Variants in PCDHA4 observed in about 807,000 individuals in gnomAD.
The protein encoded by PCDHA4 is protocadherin alpha 4.
Under a neutral mutation model 61.4 loss-of-function variants are expected in PCDHA4, and 49 were observed. The ratio of observed to expected loss-of-function variants is 0.80; its 90% CI spans 0.63 to 1.01. The LOEUF (loss-of-function observed/expected upper bound fraction) is 1.01. Ranked by LOEUF, PCDHA4 falls within the 50% of genes least tolerant of loss-of-function variation. The pLI, the probability that PCDHA4 is intolerant of heterozygous loss-of-function variation, is 0.00. For missense variants in PCDHA4, 1,254 were observed against 1,235.8 expected, an observed-to-expected ratio of 1.01 and a Z score of -0.22; for synonymous variants, 590 against 550.3, an observed-to-expected ratio of 1.07 and a Z score of -1.01.
chr5:141,010,462 T>A lies in PCDHA4; in HGVS notation c.*525T>A. On this transcript the variant is annotated 3_prime_UTR_variant, in exon 4 of 4. Transcript: ENST00000530339. ...ACAAATAAACAGCGGAAGTTATCAGTATGGAGGGGAAGTGTAAACTTAAAG... is the reference window on the plus strand; with the variant it reads ...ACAAATAAACAGCGGAAGTTATCAGAATGGAGGGGAAGTGTAAACTTAAAG... The A allele has an allele frequency of 2.4e-6, 2 of 822,568 alleles. No individual in the cohort carries two copies. Among genetic ancestry groups the A allele is most frequent in the Non-Finnish European group, 3.6e-6 (2 of 552,664 alleles). The allele number at this position is 822,568 out of a possible 1,614,324, so 51.0% of individuals were successfully genotyped here.
chr5:140,808,970 C>A lies in PCDHA4; in HGVS notation c.1783C>A (p.Arg595Ser), dbSNP rs879959461. The A allele has an allele frequency of 5.6e-6, 9 of 1,613,572 alleles. No homozygotes were observed. The South Asian group carries it at 8.8e-5, about 16-fold the overall frequency. Residue 595 changes from arginine (R) to serine (S), a missense_variant, in exon 1 of 4, where the codon CGC becomes AGC. By Grantham distance (110) the Arg-to-Ser change is moderately radical. Transcript: ENST00000530339. ...VGVGHVVAKVRAVDADSGYNA... is the reference protein window; with the variant it reads ...VGVGHVVAKVSAVDADSGYNA... ...TGTGGGCCACGTGGTGGCAAAGGTG[C>A]GCGCGGTGGATGCTGACTCGGGCTA...
At chr5:140,901,906 G>T (rs1275600408) in intron 1 of PCDHA4, among the ~76,000 whole-genome samples, 1 of 151,902 alleles carries the variant, frequency 6.6e-6, no homozygotes, top group Non-Finnish European at 1.5e-5. Context: ...TCATTGTGGA[G>T]ATCTTTCACT....
chr5:140,969,201 G>A (rs2096306183), intron 1 of PCDHA4: 2 of 1,614,110 alleles, frequency 1.2e-6, no homozygotes, highest in Non-Finnish European at 1.7e-6. Context: ...TACAATACAG[G>A]GGCCCAGACA....
intron 1 of PCDHA4, chr5:140,836,321 C>A: frequency 1.9e-6 from 3 of 1,613,768 alleles, no homozygotes; most frequent in Non-Finnish European, 2.5e-6. Flanking sequence ...CGCGCCACCG[C>A]CTTCTGGTGC....
chr5:140,938,226 A>G lies in PCDHA4; in HGVS notation c.2386-40723A>G, dbSNP rs529190111. On this transcript the variant is annotated intron_variant, in intron 1 of 3. Transcript: ENST00000530339. ...CTCCCAAAGTGCTGGGATTACAGGC[A>G]TAGGCCACCATGCCTGGTCTTTTAA... Among the ~76,000 whole-genome samples the G allele has an allele frequency of 3.3e-5, 5 of 152,330 alleles. No individual in the cohort carries two copies. In the South Asian group the frequency reaches 1.0e-3, roughly 32 times the overall value.
chr5:140,978,057 T>C (rs527562348), intron 1 of PCDHA4, among the ~76,000 whole-genome samples: 1 of 152,304 alleles, frequency 6.6e-6, no homozygotes, highest in South Asian at 2.1e-4. Context: ...ACTGATGATG[T>C]CCCAGTGATT....
chr5:140,875,378 T>C (rs758524366), intron 1 of PCDHA4: 85 of 1,458,484 alleles, frequency 5.8e-5, no homozygotes, highest in Non-Finnish European at 7.4e-5. Context: ...TTACTAAATA[T>C]GTACTTACAG....
chr5:140,961,648 G>A (rs367674015), intron 1 of PCDHA4, among the ~76,000 whole-genome samples: 1 of 152,156 alleles, frequency 6.6e-6, no homozygotes, highest in African/African-American at 2.4e-5. Flanking sequence ...AGTCTATGTG[G>A]TTAGTTTGAA....
intron 1 of PCDHA4, chr5:140,852,356 C>A: frequency 4.8e-6 from 1 of 206,680 alleles, no homozygotes; most frequent in Non-Finnish European, 9.4e-6. Flanking sequence ...TGGCTCACTG[C>A]AACGTCTGCC....
In PCDHA4 at chr5:140,809,172, C is replaced by T; in HGVS notation, c.1985C>T (p.Thr662Met). The T allele has an allele frequency of 2.5e-6, 4 of 1,613,996 alleles. No individual in the cohort carries two copies. Among genetic ancestry groups the T allele is most frequent in the Non-Finnish European group, 3.4e-6 (4 of 1,179,938 alleles). ...KDHGEPALTA[T>M]ATVLVSLVES... is the part of the protein sequence containing the mutation. The stretch of plus-strand genomic sequence containing the variant: ...CACGGCGAGCCCGCGCTGACGGCCA[C>T]GGCCACTGTGCTGGTGTCACTTGTG... Residue 662 changes from threonine (T) to methionine (M), a missense_variant, in exon 1 of 4, where the codon ACG becomes ATG. Physicochemically the swap from Thr to Met is moderately conservative, Grantham distance 81. Coordinates refer to ENST00000530339, the MANE Select transcript of PCDHA4 (RefSeq NM_018907.4).
At chr5:140,950,872 T>C (rs782492363) in intron 1 of PCDHA4, among the ~76,000 whole-genome samples, 14 of 152,210 alleles carry the variant, frequency 9.2e-5, no homozygotes, top group Middle Eastern at 3.4e-3. Context: ...ATATTCTATA[T>C]TGTTCAATAG....
Position 140,807,296 on chromosome 5 carries a change from G to T in PCDHA4, c.109G>T (p.Glu37Ter). ...CGGTCAGCTCCACTACTCGGTCTCC[G>T]AGGAGGCCAAACACGGCACCTTCGT... ...GNGQLHYSVS[E>*]EAKHGTFVGR... The change falls in exon 1 of 4, where the codon GAG becomes TAG. Residue 37 changes from glutamate (E) to a stop codon, truncating the protein, a stop_gained. Coordinates refer to ENST00000530339, the MANE Select transcript of PCDHA4 (RefSeq NM_018907.4). LOFTEE classifies it high-confidence loss of function. 6.2e-7 allele frequency: 1 copy of T among 1,614,180 alleles called. No individual in the cohort carries two copies. The highest frequency in any genetic ancestry group is 8.5e-7 in the Non-Finnish European group (1 of 1,180,040).
At chr5:140,984,566 C>T (rs899278255) in intron 3 of PCDHA4, among the ~76,000 whole-genome samples, 4 of 152,124 alleles carry the variant, frequency 2.6e-5, no homozygotes, top group Non-Finnish European at 5.9e-5. Context: ...TCCAACTACT[C>T]CATGGCAACC....
At chr5:140,839,740 A>G (rs1357885958) in intron 1 of PCDHA4, among the ~76,000 whole-genome samples, 2 of 152,020 alleles carry the variant, frequency 1.3e-5, no homozygotes, top group South Asian at 4.1e-4. Flanking sequence ...AAATACCCTT[A>G]TTTGCCTTTC....
rs2150474836 is a variant in PCDHA4 at position 140,850,234 on chromosome 5, T to C, written c.2385+40662T>C. ...GGCACTGACGGCGCAGTGAGCGAGA[T>C]GGTGCTGCGGTCGGTGGGCGCCGGC... On this transcript the variant is annotated intron_variant, in intron 1 of 3. Transcript: ENST00000530339. The C allele has an allele frequency of 3.1e-6, 5 of 1,593,808 alleles. 1 individual carries two copies. The highest frequency in any genetic ancestry group is 4.3e-6 in the Non-Finnish European group (5 of 1,167,454).
In PCDHA4 at chr5:141,010,237, G is replaced by C; in HGVS notation, c.*300G>C. 2.6e-6 allele frequency: 4 copies of C among 1,551,914 alleles called. No individual in the cohort carries two copies. The highest frequency in any genetic ancestry group is 3.5e-6 in the Non-Finnish European group (4 of 1,147,042). On this transcript the variant is annotated 3_prime_UTR_variant, in exon 4 of 4. Coordinates refer to ENST00000530339, the MANE Select transcript of PCDHA4 (RefSeq NM_018907.4). ...AGAGGCTTCCCAGCCCCGCCAGTGA[G>C]AGGTTGGACTCTCTGCCCTGTGCTC...
At chr5:140,871,475 G>A in intron 1 of PCDHA4, 1 of 1,598,972 alleles carries the variant, frequency 6.3e-7, no homozygotes, top group Non-Finnish European at 8.5e-7. Context: ...CAGGAGCCAG[G>A]GTCAAATCAC....
At chr5:140,987,439 A>G (rs1407783928) in intron 3 of PCDHA4, among the ~76,000 whole-genome samples, 18 of 152,154 alleles carry the variant, frequency 1.2e-4, no homozygotes, top group African/African-American at 3.9e-4. Flanking sequence ...GCCTTTCCCC[A>G]TGCCCGAGAG....
intron 1 of PCDHA4, among the ~76,000 whole-genome samples, chr5:140,891,046 C>T (rs576145840): frequency 6.6e-6 from 1 of 152,270 alleles, no homozygotes; most frequent in African/African-American, 2.4e-5. Context: ...GTGACCCCCA[C>T]AGCACATAGT....
Sources: gnomAD v4.1 joint callset for allele counts (sites outside exome capture counted in the v4.1 genomes callset) on GRCh38, gnomAD v4.1.1 for gene constraint, MANE v1.5 for transcripts, NCBI Gene and HGNC (gene_info 2026-07-23, HGNC 2026-07-21) for gene names.